The following OCIAD1 variants were observed in gnomAD, a reference collection of about 807,000 sequenced individuals.
OCIAD1 encodes OCIA domain-containing protein 1.
OCIAD1 carries 29 observed loss-of-function variants against 38.9 expected under a neutral mutation model. That is an observed-to-expected ratio of 0.74 (90% CI 0.55 to 1.02). The LOEUF (loss-of-function observed/expected upper bound fraction) is 1.02. Ranked by LOEUF, OCIAD1 falls within the 50% of genes least tolerant of loss-of-function variation. The pLI is 0.00. For synonymous variants in OCIAD1, 110 were observed against 92.0 expected (o/e 1.20, Z -1.12); for missense variants, 288 against 289.6 (o/e 0.99, Z 0.04).
rs920941346 is a variant in OCIAD1, at chr4:48,861,554, C to T, written c.*792C>T. ...AATAAAAATTAGCTGGCGATGGTGT[C>T]GTGTGCCTGTAGTCCTAGTTACTTA... On this transcript the variant is annotated 3_prime_UTR_variant, in exon 9 of 9. Transcript: ENST00000264312. 9 of 151,992 alleles carry T rather than the reference C, an allele frequency of 5.9e-5. No individual in the cohort carries two copies. Among genetic ancestry groups the T allele is most frequent in the Admixed American group, 2.0e-4 (3 of 15,232 alleles). The allele number at this position is 151,992 out of a possible 1,614,324, so 9.4% of individuals were successfully genotyped here. A position where few individuals can be genotyped will look rare whatever the true frequency, so the allele number is the denominator to read the frequency against.
chr4:48,843,764 G>A (rs976780896), intron 4 of OCIAD1, among the ~76,000 whole-genome samples: 1 of 152,082 alleles, frequency 6.6e-6, no homozygotes, highest in African/African-American at 2.4e-5. Context: ...TACATTCTTT[G>A]TAGGAAAAAC....
At position 48,815,591 on chromosome 4, in the gene OCIAD1, C is replaced by T. The variant is rs375784003; in HGVS notation, c.-103+10261C>T. ...AACTACAGTAGATCTGACATATGAA[C>T]AAATATTTACTTCTGTGACTCATGA... is the stretch of plus-strand genomic sequence containing the variant. On this transcript the variant is annotated intron_variant, in intron 1 of 6. Coordinates refer to the OCIAD1 transcript ENST00000504654. 1.4e-4 allele frequency among the ~76,000 whole-genome samples: 22 copies of T among 152,262 alleles called. No homozygotes were observed. In the South Asian group the frequency reaches 4.6e-3, roughly 32 times the overall value.
At position 48,857,214 on chromosome 4, in the gene OCIAD1, A is replaced by G. The variant is rs760809548; in HGVS notation, c.549A>G (p.Gly183=). 6.5e-7 allele frequency: 1 copy of G among 1,530,492 alleles called. No homozygotes were observed. The highest frequency in any genetic ancestry group is 2.1e-5 in the Admixed American group (1 of 47,372). 94.8% of individuals were successfully genotyped at this position (1,530,492 alleles called of 1,614,324 possible). A position where few individuals can be genotyped will look rare whatever the true frequency, so the allele number is the denominator to read the frequency against. ...TTTATTAACTGTTTGTTGTTTTAGG[A>G]CCTGATCCCAACCTTGAAGAAAGTC... The part of the protein sequence containing the change: ...PTGITDHIVQ[G]PDPNLEESPK... The change falls in exon 8 of 9, where the codon GGA becomes GGG. Residue 183 remains glycine, a splice_region_variant and synonymous_variant. Transcript: ENST00000264312.
chr4:48,834,679 AGGTAGGAGGATCCCTTGAGCTG>A (rs1478848818), intron 3 of OCIAD1, among the ~76,000 whole-genome samples: 1 of 152,122 alleles, frequency 6.6e-6, no homozygotes, highest in African/African-American at 2.4e-5. Context: ...GCTGAGGCTG[AGGTAGGAGGATCCCTTGAGCTG>A]GGTACATAGA....
At chr4:48,856,249 G>T (rs1780035100) in intron 7 of OCIAD1, 1 of 152,014 alleles carries the variant, frequency 6.6e-6, no homozygotes, top group Non-Finnish European at 1.5e-5. Flanking sequence ...GAGAAATAAA[G>T]AATAAATGTT....
In OCIAD1 at chr4:48,831,532, G is replaced by A. The variant is rs144048911; in HGVS notation, c.-6+283G>A. The stretch of plus-strand genomic sequence containing the variant: ...GACACTGGGTGGAGGATGGAGTGCG[G>A]TAATCAGCGGTTGTAGGCCGCTTAG... On this transcript the variant is annotated intron_variant, in intron 1 of 8. Transcript: ENST00000264312. 1,278 of 1,290,828 alleles carry A rather than the reference G, an allele frequency of 9.9e-4. 16 individuals are homozygous for A. The Admixed American group carries it at 0.024, about 24-fold the overall frequency. The allele number at this position is 1,290,828 out of a possible 1,614,324, so 80.0% of individuals were successfully genotyped here. A position where few individuals can be genotyped will look rare whatever the true frequency, so the allele number is the denominator to read the frequency against.
chr4:48,831,021 A>C (rs1442708604), upstream of OCIAD1: 3 of 182,512 alleles, frequency 1.6e-5, no homozygotes, highest in Non-Finnish European at 3.6e-5. Context: ...TGGCTCTCAG[A>C]CCCGCAGTGA....
At chr4:48,812,033 C>T (rs1777093727) in intron 1 of OCIAD1, among the ~76,000 whole-genome samples, 1 of 151,840 alleles carries the variant, frequency 6.6e-6, no homozygotes, top group Non-Finnish European at 1.5e-5. Context: ...CCTGTAATCC[C>T]AGCACTTTGG....
chr4:48,806,177 G>A (rs1295567426), intron 1 of OCIAD1, among the ~76,000 whole-genome samples: 1 of 152,148 alleles, frequency 6.6e-6, no homozygotes, highest in Non-Finnish European at 1.5e-5. Context: ...TGAGGCAGGA[G>A]AATCGCTTGA....
chr4:48,857,130 T>A (rs1415110643), intron 7 of OCIAD1, 83 bp from the exon 8 acceptor site: 1 of 736,088 alleles, frequency 1.4e-6, no homozygotes, highest in Admixed American at 3.1e-5. Context: ...TAGCTCCTTT[T>A]GTAAGGAGCA....
At chr4:48,824,492 C>T (rs943724973) in intron 1 of OCIAD1, among the ~76,000 whole-genome samples, 16 of 151,818 alleles carry the variant, frequency 1.1e-4, no homozygotes, top group African/African-American at 2.7e-4. Flanking sequence ...GTGATCCTGT[C>T]GCCTCCACCT....
At chr4:48,832,978 C>T (rs546559818) in intron 2 of OCIAD1, among the ~76,000 whole-genome samples, 12 of 152,144 alleles carry the variant, frequency 7.9e-5, no homozygotes, top group Admixed American at 2.0e-4. Context: ...TGGCCTGGCT[C>T]GGTGGCTCAT....
At chr4:48,806,429 T>TG (rs1246550695) in intron 1 of OCIAD1, among the ~76,000 whole-genome samples, 1 of 152,184 alleles carries the variant, frequency 6.6e-6, no homozygotes, top group African/African-American at 2.4e-5. Flanking sequence ...TTTCTTTTTC[T>TG]CTTTTCTACT....
intron 1 of OCIAD1, among the ~76,000 whole-genome samples, chr4:48,817,048 C>A (rs1055092847): frequency 6.6e-6 from 1 of 152,196 alleles, no homozygotes; most frequent in Non-Finnish European, 1.5e-5. Flanking sequence ...GCAAGACCAA[C>A]GCAGAAGGTG....
At chr4:48,850,827 G>C (rs1779386993) in intron 6 of OCIAD1, among the ~76,000 whole-genome samples, 1 of 152,142 alleles carries the variant, frequency 6.6e-6, no homozygotes, top group African/African-American at 2.4e-5. Flanking sequence ...TGCCCCACTT[G>C]GCCTCCCAAA....
chr4:48,820,338 G>C (rs1777182714), intron 1 of OCIAD1, among the ~76,000 whole-genome samples: 1 of 152,124 alleles, frequency 6.6e-6, no homozygotes, highest in African/African-American at 2.4e-5. Context: ...AAATAAATGA[G>C]TTTTTTGAAA....
At chr4:48,819,716 CAAAAAAAAAAAA>C (rs576081813) in intron 1 of OCIAD1, among the ~76,000 whole-genome samples, 1 of 10,446 alleles carries the variant, frequency 9.6e-5, no homozygotes, top group African/African-American at 3.4e-4. Context: ...TTACCAAGCG[CAAAAAAAAAAAA>C]AAAAAAAAAA....
Position 48,819,740 on chromosome 4 carries a change from A to AAAAAAAAAG in OCIAD1, c.-102-10833_-102-10832insAAAAGAAAA, listed in dbSNP as rs1381189214. Among the ~76,000 whole-genome samples the AAAAAAAAAG allele has an allele frequency of 1.5e-3, 221 of 145,528 alleles. 2 individuals carry two copies. The highest frequency in any genetic ancestry group is 2.4e-3 in the Non-Finnish European group (160 of 65,848). ...GCAAAAAAAAAAAAAAAAAAAAAAA[A>AAAAAAAAAG]AAAAGGAGGGGTTGCAATCCCAGTC... On this transcript the variant is annotated intron_variant, in intron 1 of 6. Coordinates refer to the OCIAD1 transcript ENST00000504654.
intron 1 of OCIAD1, among the ~76,000 whole-genome samples, chr4:48,816,755 G>T (rs533052557): frequency 6.6e-6 from 1 of 151,856 alleles, no homozygotes; most frequent in Non-Finnish European, 1.5e-5. Flanking sequence ...AGGAACACCC[G>T]AGATCAGGAG....
Sources: gnomAD v4.1 joint callset for allele counts (sites outside exome capture counted in the v4.1 genomes callset) on GRCh38, gnomAD v4.1.1 for gene constraint, MANE v1.5 for transcripts, NCBI Gene and HGNC (gene_info 2026-07-23, HGNC 2026-07-21) for gene names.